The following BMPR1B variants were observed in gnomAD, a reference collection of about 807,000 sequenced individuals.
BMPR1B encodes bone morphogenetic protein receptor type-1B.
In BMPR1B, 12 loss-of-function variants were observed where a neutral mutation model predicts 59.1. The ratio of observed to expected loss-of-function variants is 0.20; its 90% CI spans 0.13 to 0.33. BMPR1B has a LOEUF of 0.33. Ranked by LOEUF, BMPR1B falls within the 10% of genes least tolerant of loss-of-function variation. BMPR1B has a pLI of 1.00. For synonymous variants in BMPR1B, 237 were observed against 207.3 expected, an observed-to-expected ratio of 1.14 and a Z score of -1.23; for missense variants, 550 against 610.9, an observed-to-expected ratio of 0.90 and a Z score of 1.05.
intron 2 of BMPR1B, among the ~76,000 whole-genome samples, chr4:94,933,457 C>T (rs1729171015): frequency 1.3e-5 from 2 of 151,866 alleles, no homozygotes; most frequent in South Asian, 4.1e-4. Flanking sequence ...TTGCATAATC[C>T]TCAATTTAAT....
Position 94,819,609 on chromosome 4 carries a change from C to T in BMPR1B, c.-182-56222C>T, listed in dbSNP as rs559868080. 2.9e-3 allele frequency among the ~76,000 whole-genome samples: 438 copies of T among 152,324 alleles called. 1 individual carries two copies. The highest frequency in any genetic ancestry group is 1.0e-2 in the African/African-American group (415 of 41,582). On this transcript the variant is annotated intron_variant, in intron 1 of 12. Transcript: ENST00000515059. The stretch of plus-strand genomic sequence containing the variant: ...TACTCTGTGTGTGTGTAAACAAGTT[C>T]TTCTCCCTTCTCCCCGAGGACCTAG...
intron 2 of BMPR1B, among the ~76,000 whole-genome samples, chr4:94,955,276 G>T (rs1055250078): frequency 6.6e-6 from 1 of 152,168 alleles, no homozygotes; most frequent in Non-Finnish European, 1.5e-5. Context: ...AGCAGAAACT[G>T]TGTTTCATGA....
intron 3 of BMPR1B, among the ~76,000 whole-genome samples, chr4:95,059,425 A>G (rs1422686806): frequency 1.3e-5 from 2 of 152,092 alleles, no homozygotes; most frequent in Non-Finnish European, 2.9e-5. Flanking sequence ...AAGATGTTCA[A>G]ATTGGGGGAA....
chr4:95,134,503 A>G (rs567032534), intron 10 of BMPR1B, among the ~76,000 whole-genome samples: 4 of 152,214 alleles, frequency 2.6e-5, no homozygotes, highest in Admixed American at 6.5e-5. Context: ...AAGTGTTCCT[A>G]TTTCTCCACA....
chr4:94,943,662 G>T (rs1459111964), intron 2 of BMPR1B, among the ~76,000 whole-genome samples: 3 of 152,132 alleles, frequency 2.0e-5, no homozygotes, highest in African/African-American at 7.2e-5. Context: ...TATTATTGTA[G>T]GAAAGTGGAA....
intron 1 of BMPR1B, among the ~76,000 whole-genome samples, chr4:94,822,434 G>A (rs1724240989): frequency 6.6e-6 from 1 of 152,164 alleles, no homozygotes; most frequent in Non-Finnish European, 1.5e-5. Context: ...ATTTCGTGAT[G>A]GTTGGGTAGA....
At chr4:95,085,726 G>T (rs961200385) in intron 3 of BMPR1B, among the ~76,000 whole-genome samples, 2 of 152,200 alleles carry the variant, frequency 1.3e-5, no homozygotes, top group African/African-American at 2.4e-5. Context: ...TGCAGCGGAA[G>T]TTGAGAGTGC....
chr4:95,150,729 A>G (rs1734980564), intron 11 of BMPR1B, among the ~76,000 whole-genome samples: 1 of 152,272 alleles, frequency 6.6e-6, no homozygotes, highest in African/African-American at 2.4e-5. Context: ...TTGCTTTGCT[A>G]GGGCTGTCTT....
chr4:94,812,565 G>C (rs1488786370), intron 1 of BMPR1B, among the ~76,000 whole-genome samples: 1 of 152,096 alleles, frequency 6.6e-6, no homozygotes, highest in Non-Finnish European at 1.5e-5. Context: ...AGCTATGCAG[G>C]GTTTTATATC....
At chr4:94,929,646 CT>C (rs1729017981) in intron 2 of BMPR1B, among the ~76,000 whole-genome samples, 1 of 152,026 alleles carries the variant, frequency 6.6e-6, no homozygotes. Flanking sequence ...CAATTTGAAG[CT>C]TTCTTCTCTT....
At chr4:94,937,727 C>G (rs1001311634) in intron 2 of BMPR1B, among the ~76,000 whole-genome samples, 5 of 141,698 alleles carry the variant, frequency 3.5e-5, no homozygotes, top group African/African-American at 1.2e-4. Context: ...CAGACACACA[C>G]ACACACACAC....
At chr4:95,150,499 A>G (rs775261009) in intron 11 of BMPR1B, among the ~76,000 whole-genome samples, 11 of 151,840 alleles carry the variant, frequency 7.2e-5, no homozygotes, top group African/African-American at 2.7e-4. Context: ...AAAAAATAAT[A>G]TGCTTATACT....
chr4:94,833,649 A>T (rs1404167615), intron 1 of BMPR1B, among the ~76,000 whole-genome samples: 1 of 152,136 alleles, frequency 6.6e-6, no homozygotes, highest in East Asian at 1.9e-4. Context: ...CCCCTGCCTA[A>T]GTTCAATGCT....
chr4:95,122,070 A>G (rs906685361), intron 6 of BMPR1B, among the ~76,000 whole-genome samples: 3 of 152,168 alleles, frequency 2.0e-5, no homozygotes, highest in African/African-American at 7.2e-5. Context: ...GTAGCTGGGC[A>G]CAGTGGTTCA....
intron 10 of BMPR1B, 27 bp from the exon 11 acceptor site, chr4:95,148,721 T>TA: frequency 6.2e-7 from 1 of 1,609,970 alleles, no homozygotes; most frequent in Non-Finnish European, 8.5e-7. Flanking sequence ...TTCAATGCTG[T>TA]AATGCTTTGC....
intron 3 of BMPR1B, among the ~76,000 whole-genome samples, chr4:95,037,652 C>T (rs980029667): frequency 1.3e-5 from 2 of 152,066 alleles, no homozygotes; most frequent in African/African-American, 2.4e-5. Flanking sequence ...AAGAAAAGTA[C>T]ATTTGTTGAC....
At chr4:95,003,534 T>C (rs986279461) in intron 3 of BMPR1B, among the ~76,000 whole-genome samples, 14 of 152,196 alleles carry the variant, frequency 9.2e-5, no homozygotes, top group Admixed American at 1.3e-4. Context: ...ATGTTACTTA[T>C]GTTAAGCCAG....
At chr4:95,152,795 T>C in intron 12 of BMPR1B, 22 bp downstream of exon 12, 1 of 1,611,026 alleles carries the variant, frequency 6.2e-7, no homozygotes, top group Non-Finnish European at 8.5e-7. Flanking sequence ...GGTAACCATG[T>C]GGCTGTGACA....
At position 95,014,890 on chromosome 4, in the gene BMPR1B, C is replaced by A. The variant is rs534988256; in HGVS notation, c.-18+18756C>A. Among the ~76,000 whole-genome samples the A allele has an allele frequency of 3.4e-4, 52 of 152,260 alleles. No homozygotes were observed. The Middle Eastern group carries it at 0.017, about 50-fold the overall frequency. On this transcript the variant is annotated intron_variant, in intron 3 of 12. Transcript: ENST00000515059. Reference sequence around the variant, plus strand: ...GGTTCTGTACTTCACAGAATGTCATCTAGCAGGGCTATGGGGTGGAGTGGG... The same window carrying A: ...GGTTCTGTACTTCACAGAATGTCATATAGCAGGGCTATGGGGTGGAGTGGG...
Sources: allele counts gnomAD v4.1 joint callset (sites outside exome capture counted in the v4.1 genomes callset), GRCh38; gene constraint gnomAD v4.1.1; transcripts MANE v1.5; gene names NCBI Gene and HGNC (gene_info 2026-07-23, HGNC 2026-07-21).